The following METTL2B variants were observed in gnomAD, a reference collection of about 807,000 sequenced individuals.
METTL2B encodes methyltransferase 2B, tRNA N3-cytidine, also known as tRNA N(3)-cytidine methyltransferase METTL2B.
A neutral mutation model predicts 51.0 loss-of-function variants in METTL2B; 28 were observed. That is an observed-to-expected ratio of 0.55 (90% CI 0.41 to 0.75). The LOEUF (loss-of-function observed/expected upper bound fraction) is 0.75, where lower values mean the gene tolerates loss of function less well. Among genes scored for constraint, METTL2B ranks in the 30% least tolerant of loss-of-function variants. The pLI, the probability that METTL2B is intolerant of heterozygous loss-of-function variation, is 0.00. For missense variants in METTL2B, 313 were observed against 460.7 expected (o/e 0.68, Z 2.93); for synonymous variants, 128 against 166.3 (o/e 0.77, Z 1.77).
chr7:128,478,870 A>T (rs1290812733), intron 2 of METTL2B, among the ~76,000 whole-genome samples: 1 of 151,904 alleles, frequency 6.6e-6, no homozygotes, highest in Non-Finnish European at 1.5e-5. Context: ...TCTCAAAAAG[A>T]AAAAAAAGTC....
intron 5 of METTL2B, among the ~76,000 whole-genome samples, chr7:128,489,593 G>T (rs1792788825): frequency 1.3e-5 from 2 of 151,234 alleles, no homozygotes; most frequent in African/African-American, 4.9e-5. Context: ...AAGGGCTGGG[G>T]TAGTGGTTGC....
chr7:128,490,642 C>T (rs1428376005), intron 5 of METTL2B, among the ~76,000 whole-genome samples: 5 of 152,124 alleles, frequency 3.3e-5, no homozygotes, highest in Non-Finnish European at 7.3e-5. Flanking sequence ...TAGTTTTGCA[C>T]GTGGCCCCAA....
At chr7:128,501,569 G>A (rs917305918) in intron 8 of METTL2B, 193 bp from the exon 9 acceptor site, 156 of 985,122 alleles carry the variant, frequency 1.6e-4, no homozygotes, top group African/African-American at 2.1e-4. Context: ...AAAAAACCGC[G>A]GCCTATACAC....
intron 4 of METTL2B, among the ~76,000 whole-genome samples, chr7:128,481,409 A>G (rs1799871238): frequency 6.6e-6 from 1 of 152,232 alleles, no homozygotes; most frequent in African/African-American, 2.4e-5. Context: ...CAGGCTGTAA[A>G]TCAGGGGAGC....
chr7:128,498,815 A>G (rs1286601707), intron 7 of METTL2B, among the ~76,000 whole-genome samples: 6 of 152,278 alleles, frequency 3.9e-5, no homozygotes, highest in Admixed American at 2.6e-4. Flanking sequence ...CCCGACCAAC[A>G]TGGAGAAACC....
chr7:128,495,781 A>G (rs1179618959), intron 6 of METTL2B, among the ~76,000 whole-genome samples: 1 of 152,218 alleles, frequency 6.6e-6, no homozygotes, highest in East Asian at 1.9e-4. Context: ...AAGCAGAGTC[A>G]GATGGTGGCT....
chr7:128,496,571 A>G (rs1792925766), intron 6 of METTL2B, among the ~76,000 whole-genome samples: 1 of 152,168 alleles, frequency 6.6e-6, no homozygotes, highest in Admixed American at 6.6e-5. Context: ...TGACTTTAGA[A>G]GTTTCAATGC....
At chr7:128,477,898 T>C (rs1799822966) in intron 2 of METTL2B, 4 of 435,596 alleles carry the variant, frequency 9.2e-6, no homozygotes, top group South Asian at 4.8e-5. Flanking sequence ...AGCAAGTTAA[T>C]AGTTAAAAGG....
intron 5 of METTL2B, among the ~76,000 whole-genome samples, chr7:128,488,785 T>A (rs1346307234): frequency 6.6e-6 from 1 of 152,174 alleles, no homozygotes; most frequent in Admixed American, 6.6e-5. Context: ...ATTATTAAAT[T>A]TAATACACAA....
At position 128,488,059 on chromosome 7, in the gene METTL2B, C is replaced by T. The variant is rs541325264; in HGVS notation, c.609-42C>T. The T allele has an allele frequency of 6.3e-6, 7 of 1,113,940 alleles. No individual in the cohort carries two copies. The East Asian group carries it at 1.5e-4, about 25-fold the overall frequency. The allele number at this position is 1,113,940 out of a possible 1,614,324, so 69.0% of individuals were successfully genotyped here. On this transcript the variant is annotated intron_variant, in intron 4 of 8. Transcript: ENST00000262432. ...CACAAGAATGAGAGTAGACATAGCT[C>T]GATTTGTAGTCTCATTGTTTTGTCT... is the stretch of plus-strand genomic sequence containing the variant.
At chr7:128,490,325 CTTTTT>C (rs56261578) in intron 5 of METTL2B, among the ~76,000 whole-genome samples, 55 of 131,852 alleles carry the variant, frequency 4.2e-4, no homozygotes, top group Non-Finnish European at 7.3e-4. Context: ...TCAGGCTTCA[CTTTTT>C]TTTTTTTTTT....
At chr7:128,499,048 A>G (rs1393579584) in intron 7 of METTL2B, among the ~76,000 whole-genome samples, 2 of 152,074 alleles carry the variant, frequency 1.3e-5, no homozygotes, top group Non-Finnish European at 2.9e-5. Context: ...TAAATGTGGC[A>G]TGACAAAAGA....
At position 128,489,162 on chromosome 7, in the gene METTL2B, G is replaced by T. The variant is rs552361006; in HGVS notation, c.669+1001G>T. Among the ~76,000 whole-genome samples, 3 of 152,092 alleles carry T rather than the reference G, an allele frequency of 2.0e-5. No individual in the cohort carries two copies. The South Asian group carries it at 6.2e-4, about 32-fold the overall frequency. ...AATACGTTATTGGTTGGCCACAATG[G>T]CTTAACGCCTGTCATCCCAACACTT... On this transcript the variant is annotated intron_variant, in intron 5 of 8. Coordinates refer to ENST00000262432, the MANE Select transcript of METTL2B (RefSeq NM_018396.3).
chr7:128,486,653 G>A (rs1184289292), intron 4 of METTL2B, among the ~76,000 whole-genome samples: 2 of 151,858 alleles, frequency 1.3e-5, no homozygotes, highest in Non-Finnish European at 2.9e-5. Context: ...TGCCAGGCGC[G>A]GTGGCTCACC....
At chr7:128,501,109 C>T in intron 8 of METTL2B, 141 bp downstream of exon 8, 1 of 1,520,672 alleles carries the variant, frequency 6.6e-7, no homozygotes. Flanking sequence ...ACACCCTCTT[C>T]CACCCTGGGC....
At position 128,477,121 on chromosome 7, in the gene METTL2B, G is replaced by C; in HGVS notation, c.150G>C (p.Ala50=). 6.2e-7 allele frequency: 1 copy of C among 1,614,062 alleles called. No homozygotes were observed. Among genetic ancestry groups the C allele is most frequent in the East Asian group, 2.2e-5 (1 of 44,868 alleles). The part of the protein sequence containing the change: ...VEWSEEQAAA[A]ERKVQENSIQ... ...GGTCGGAAGAGCAAGCCGCGGCGGCGGAGAGAAAAGTCCAGGAGAACAGTA... is the reference window on the plus strand; with the variant it reads ...GGTCGGAAGAGCAAGCCGCGGCGGCCGAGAGAAAAGTCCAGGAGAACAGTA... Residue 50 remains alanine, a synonymous_variant, in exon 2 of 9, where the codon GCG becomes GCC. Coordinates refer to ENST00000262432, the MANE Select transcript of METTL2B (RefSeq NM_018396.3).
intron 7 of METTL2B, among the ~76,000 whole-genome samples, 172 bp downstream of exon 7, chr7:128,498,314 G>C (rs971220181): frequency 5.6e-4 from 84 of 151,002 alleles, no homozygotes; most frequent in Non-Finnish European, 1.0e-3. Context: ...GACGCGGGGT[G>C]GGGGGCATCA....
At chr7:128,483,718 TATTG>T (rs1224504230) in intron 4 of METTL2B, among the ~76,000 whole-genome samples, 2 of 151,520 alleles carry the variant, frequency 1.3e-5, no homozygotes, top group Non-Finnish European at 2.9e-5. Flanking sequence ...ATTTTTGTAT[TATTG>T]ATTGATTGAT....
In METTL2B at chr7:128,480,894, T is replaced by A. The variant is rs1163429598; in HGVS notation, c.608+198T>A. ...TTTCAAAACTTGCTGCATCAAACTA[T>A]CAATAATGGTTATTGGAAAATATGG... On this transcript the variant is annotated intron_variant, in intron 4 of 8. Transcript: ENST00000262432. Among the ~76,000 whole-genome samples, 8 of 152,270 alleles carry A rather than the reference T, an allele frequency of 5.3e-5. No individual in the cohort carries two copies. The East Asian group carries it at 1.3e-3, about 26-fold the overall frequency.
Sources: gnomAD v4.1 joint callset for allele counts (sites outside exome capture counted in the v4.1 genomes callset) on GRCh38, gnomAD v4.1.1 for gene constraint, MANE v1.5 for transcripts, NCBI Gene and HGNC (gene_info 2026-07-23, HGNC 2026-07-21) for gene names.